The following TULP4 variants were observed in gnomAD, a reference collection of about 807,000 sequenced individuals.
TULP4 encodes tubby-related protein 4.
Under a neutral mutation model 129.0 loss-of-function variants are expected in TULP4, and 16 were observed. That is an observed-to-expected ratio of 0.12 (90% CI 0.08 to 0.19). TULP4 has a LOEUF of 0.19. TULP4 is among the 10% of genes least tolerant of loss of function. The pLI is 1.00. For synonymous variants in TULP4, 998 were observed against 854.0 expected, an observed-to-expected ratio of 1.17 and a Z score of -2.94; for missense variants, 1,842 against 2,059.1, an observed-to-expected ratio of 0.89 and a Z score of 2.04.
chr6:158,477,623 G>A (rs1017951745), intron 6 of TULP4, among the ~76,000 whole-genome samples: 2 of 152,114 alleles, frequency 1.3e-5, no homozygotes, highest in African/African-American at 2.4e-5. Flanking sequence ...AATAGATGTC[G>A]GCATGGTTGC....
At chr6:158,345,024 A>G (rs1780267353) in intron 1 of TULP4, among the ~76,000 whole-genome samples, 1 of 152,278 alleles carries the variant, frequency 6.6e-6, no homozygotes, top group Non-Finnish European at 1.5e-5. Context: ...AAGATCAAAC[A>G]GCTCTAACAT....
chr6:158,328,881 A>T (rs1779809819), intron 1 of TULP4, among the ~76,000 whole-genome samples: 1 of 152,194 alleles, frequency 6.6e-6, no homozygotes. Context: ...CGAGGGTTTT[A>T]GTCAGAAACA....
In TULP4 at chr6:158,489,721, C is replaced by G. The variant is rs1780155684; in HGVS notation, c.1620C>G (p.Pro540=). Residue 540 remains proline (P), a synonymous_variant, in exon 9 of 14, where the codon CCC becomes CCG. Coordinates refer to ENST00000367097, the MANE Select transcript of TULP4 (RefSeq NM_020245.5). ...SPKISRASKS[P]KLPRISIEAR... is the part of the protein sequence containing the mutation. ...AAATCTCCAGAGCTAGCAAATCACC[C>G]AAACTCCCAAGGTAATCTCAGTCTT... 6.2e-7 allele frequency: 1 copy of G among 1,614,182 alleles called. No individual in the cohort carries two copies. Among genetic ancestry groups the G allele is most frequent in the Non-Finnish European group, 8.5e-7 (1 of 1,180,024 alleles).
At chr6:158,238,946 A>C in intron 1 of TULP4, among the ~76,000 whole-genome samples, 1 of 135,054 alleles carries the variant, frequency 7.4e-6, no homozygotes, top group African/African-American at 2.6e-5. Context: ...TGTTGGGCAC[A>C]CCTCCCAGAC....
chr6:158,299,143 TG>T (rs1779091660), intron 1 of TULP4, among the ~76,000 whole-genome samples: 1 of 148,384 alleles, frequency 6.7e-6, no homozygotes, highest in Non-Finnish European at 1.5e-5. Context: ...TCGGTCGGGG[TG>T]GGGGGTAATG....
At chr6:158,296,194 TCCCTTC>T (rs1779028311) in intron 1 of TULP4, among the ~76,000 whole-genome samples, 1 of 152,094 alleles carries the variant, frequency 6.6e-6, no homozygotes, top group South Asian at 2.1e-4. Context: ...CCTTTCCCTT[TCCCTTC>T]CCATTCCTTT....
At chr6:158,496,701 C>T (rs1780345933) in intron 11 of TULP4, among the ~76,000 whole-genome samples, 1 of 152,098 alleles carries the variant, frequency 6.6e-6, no homozygotes, top group African/African-American at 2.4e-5. Context: ...TAGCCATCTG[C>T]CTATGGTAAA....
rs568281346 is a variant in TULP4, at chr6:158,482,015, C to T, written c.1486+726C>T. ...CACCTCCCTCTGAAACTTTGCCCATCACCTATGGCAGAACGAACAGCACGC... is the reference window on the plus strand; with the variant it reads ...CACCTCCCTCTGAAACTTTGCCCATTACCTATGGCAGAACGAACAGCACGC... On this transcript the variant is annotated intron_variant, in intron 8 of 13. Transcript: ENST00000367097. Among the ~76,000 whole-genome samples the T allele has an allele frequency of 3.3e-5, 5 of 152,356 alleles. No individual in the cohort carries two copies. The South Asian group carries it at 1.0e-3, about 32-fold the overall frequency.
intron 1 of TULP4, among the ~76,000 whole-genome samples, chr6:158,388,316 GTTTTTCT>G (rs1487102689): frequency 1.1e-5 from 1 of 92,822 alleles, no homozygotes; most frequent in Non-Finnish European, 2.1e-5. Flanking sequence ...TAATCTGCTC[GTTTTTCT>G]TTTTTTTTTT....
At chr6:158,456,199 C>G (rs1779287706) in intron 5 of TULP4, among the ~76,000 whole-genome samples, 1 of 152,112 alleles carries the variant, frequency 6.6e-6, no homozygotes, top group South Asian at 2.1e-4. Flanking sequence ...CCAAAGGTTT[C>G]GACAACTTTT....
At chr6:158,402,888 G>GT (rs34604658) in intron 1 of TULP4, among the ~76,000 whole-genome samples, 3,933 of 127,928 alleles carry the variant, frequency 0.031, 58 homozygotes, top group South Asian at 0.052. Flanking sequence ...GGCTTTGGGA[G>GT]TTTTTTTTTT....
chr6:158,269,942 G>A (rs1056804764), intron 1 of TULP4, among the ~76,000 whole-genome samples: 2 of 152,126 alleles, frequency 1.3e-5, no homozygotes, highest in African/African-American at 2.4e-5. Flanking sequence ...CCTTTATTCC[G>A]TGTTCCTTAA....
At chr6:158,350,764 CT>C (rs199950596) in intron 1 of TULP4, among the ~76,000 whole-genome samples, 44,847 of 141,518 alleles carry the variant, frequency 0.32, 6,943 homozygotes, top group Middle Eastern at 0.39. Context: ...GAGGGGAGAG[CT>C]TTTTTTTTTT....
intron 3 of TULP4, among the ~76,000 whole-genome samples, chr6:158,447,161 T>G (rs1430667976): frequency 1.3e-5 from 2 of 152,206 alleles, no homozygotes; most frequent in African/African-American, 4.8e-5. Flanking sequence ...TATTGAAAAT[T>G]GCTCACCAAG....
chr6:158,295,751 C>T (rs1171674754), intron 1 of TULP4, among the ~76,000 whole-genome samples: 2 of 152,160 alleles, frequency 1.3e-5, no homozygotes, highest in African/African-American at 4.8e-5. Context: ...ATTAGCCGGG[C>T]CTGGTGGCGG....
chr6:158,290,916 G>C (rs540835641), intron 1 of TULP4, among the ~76,000 whole-genome samples: 1 of 152,208 alleles, frequency 6.6e-6, no homozygotes, highest in Admixed American at 6.5e-5. Context: ...CTACCGGATA[G>C]TGTCGGGCAA....
chr6:158,382,932 T>C (rs1286192484), intron 1 of TULP4, among the ~76,000 whole-genome samples: 1 of 152,216 alleles, frequency 6.6e-6, no homozygotes, highest in East Asian at 1.9e-4. Context: ...TAAATGCCAT[T>C]AATCTTGGAA....
chr6:158,461,588 G>C lies in TULP4; in HGVS notation c.885G>C (p.Gln295His). 6.2e-7 allele frequency: 1 copy of C among 1,613,764 alleles called. No individual in the cohort carries two copies. The highest frequency in any genetic ancestry group is 8.5e-7 in the Non-Finnish European group (1 of 1,179,854). Residue 295 changes from glutamine to histidine, a missense_variant, in exon 6 of 14, where the codon CAG becomes CAC. By Grantham distance (24) the Gln-to-His change is conservative. Coordinates refer to ENST00000367097, the MANE Select transcript of TULP4 (RefSeq NM_020245.5). Reference sequence around the variant, plus strand: ...AGGTGGTAGCCCAGTGGTGCACACAGGGGGACTTGCTGGCAGTCGCTGGGA... The same window carrying C: ...AGGTGGTAGCCCAGTGGTGCACACACGGGGACTTGCTGGCAGTCGCTGGGA... Reference protein sequence around the residue: ...LKEVVAQWCTQGDLLAVAGME... With the variant: ...LKEVVAQWCTHGDLLAVAGME...
At chr6:158,256,553 G>GTAT (rs1399134919) in intron 1 of TULP4, among the ~76,000 whole-genome samples, 2 of 152,170 alleles carry the variant, frequency 1.3e-5, no homozygotes, top group African/African-American at 4.8e-5. Context: ...TGTTGAGGAT[G>GTAT]TATTAATATG....
Sources: allele counts gnomAD v4.1 joint callset (sites outside exome capture counted in the v4.1 genomes callset), GRCh38; gene constraint gnomAD v4.1.1; transcripts MANE v1.5; gene names NCBI Gene and HGNC (gene_info 2026-07-23, HGNC 2026-07-21).